UVRAG: variants seen among roughly 807,000 people sequenced by gnomAD.
UVRAG encodes the protein UV radiation resistance associated.
UVRAG carries 19 observed loss-of-function variants against 78.0 expected under a neutral mutation model. The ratio of observed to expected loss-of-function variants is 0.24; its 90% CI spans 0.17 to 0.36. The LOEUF (loss-of-function observed/expected upper bound fraction) is 0.36, where lower values mean the gene tolerates loss of function less well. Ranked by LOEUF, UVRAG falls within the 10% of genes least tolerant of loss-of-function variation. UVRAG has a pLI of 1.00. For missense variants in UVRAG, 740 were observed against 853.8 expected (o/e 0.87, Z 1.66); for synonymous variants, 323 against 324.6 (o/e 1.00, Z 0.05).
At chr11:75,921,864 G>T (rs1947987296) in intron 6 of UVRAG, among the ~76,000 whole-genome samples, 1 of 151,692 alleles carries the variant, frequency 6.6e-6, no homozygotes, top group East Asian at 1.9e-4. Flanking sequence ...TATATACTGG[G>T]ATCTATTTCT....
chr11:76,120,237 T>C (rs1210530324), intron 14 of UVRAG, among the ~76,000 whole-genome samples: 1 of 152,190 alleles, frequency 6.6e-6, no homozygotes, highest in East Asian at 1.9e-4. Context: ...CAATCCTTTT[T>C]AAGAAAAAGA....
chr11:76,070,575 CAATAT>C (rs1192202692), intron 13 of UVRAG, among the ~76,000 whole-genome samples: 8 of 152,042 alleles, frequency 5.3e-5, no homozygotes, highest in African/African-American at 1.9e-4. Flanking sequence ...TAAATTGATA[CAATAT>C]AAAATTTTTT....
At chr11:75,895,631 G>GTTT (rs556320233) in intron 5 of UVRAG, among the ~76,000 whole-genome samples, 1 of 140,630 alleles carries the variant, frequency 7.1e-6, no homozygotes, top group Admixed American at 7.1e-5. Flanking sequence ...GTGGCACTCT[G>GTTT]TTTTTTTTTT....
intron 1 of UVRAG, among the ~76,000 whole-genome samples, chr11:75,850,229 T>A (rs1946125305): frequency 1.3e-5 from 2 of 152,204 alleles, no homozygotes; most frequent in South Asian, 4.1e-4. Flanking sequence ...GGGTTTTCCT[T>A]TAGATTTAGT....
intron 1 of UVRAG, among the ~76,000 whole-genome samples, chr11:75,839,871 A>G (rs1945871817): frequency 1.3e-5 from 2 of 151,982 alleles, no homozygotes; most frequent in South Asian, 4.2e-4. Flanking sequence ...ATAGAGAGAG[A>G]GAGAGAGAGA....
chr11:76,003,197 A>G (rs1949852592), intron 8 of UVRAG, among the ~76,000 whole-genome samples: 1 of 151,950 alleles, frequency 6.6e-6, no homozygotes, highest in Non-Finnish European at 1.5e-5. Context: ...CGTCATGTAA[A>G]AATAGTTGAA....
At chr11:75,903,874 C>T (rs1001288841) in intron 5 of UVRAG, among the ~76,000 whole-genome samples, 5 of 152,140 alleles carry the variant, frequency 3.3e-5, no homozygotes, top group African/African-American at 9.7e-5. Context: ...CTACTAACTG[C>T]GTTATTTCTG....
chr11:75,880,463 A>G (rs1946912812), intron 4 of UVRAG, among the ~76,000 whole-genome samples: 1 of 152,188 alleles, frequency 6.6e-6, no homozygotes, highest in Non-Finnish European at 1.5e-5. Flanking sequence ...GCTACTATTT[A>G]TTGAGCACAG....
At chr11:75,825,189 A>G (rs1284101923) in intron 1 of UVRAG, among the ~76,000 whole-genome samples, 1 of 151,616 alleles carries the variant, frequency 6.6e-6, no homozygotes, top group Non-Finnish European at 1.5e-5. Context: ...GCTCACTGCA[A>G]CCTCTGCCTC....
intron 12 of UVRAG, among the ~76,000 whole-genome samples, chr11:76,042,666 C>T (rs1950670783): frequency 6.6e-6 from 1 of 152,206 alleles, no homozygotes; most frequent in Non-Finnish European, 1.5e-5. Context: ...TGCACTAAGA[C>T]AGACACGTGG....
rs533382324 is a variant in UVRAG at position 76,098,516 on chromosome 11, A to G, written c.1306-17408A>G. The stretch of plus-strand genomic sequence containing the variant: ...ATATTTTAAAATGGCTTTTTATTAG[A>G]TTGTTTTTCAGTCAAGAATTTTTGG... On this transcript the variant is annotated intron_variant, in intron 13 of 14. Coordinates refer to ENST00000356136, the MANE Select transcript of UVRAG (RefSeq NM_003369.4). Among the ~76,000 whole-genome samples the G allele has an allele frequency of 2.6e-5, 4 of 152,196 alleles. No homozygotes were observed. In the South Asian group the frequency reaches 8.3e-4, roughly 32 times the overall value.
chr11:76,032,316 T>C (rs1398181822), intron 12 of UVRAG, among the ~76,000 whole-genome samples: 4 of 152,240 alleles, frequency 2.6e-5, no homozygotes, highest in Non-Finnish European at 5.9e-5. Flanking sequence ...ACCTCTCTTT[T>C]GGATGATTTA....
chr11:76,036,987 T>C (rs1591161490), intron 12 of UVRAG, among the ~76,000 whole-genome samples: 1 of 152,168 alleles, frequency 6.6e-6, no homozygotes, highest in South Asian at 2.1e-4. Flanking sequence ...AATTCTTTAA[T>C]TATATTTATT....
chr11:76,003,990 T>C lies in UVRAG; in HGVS notation c.827-15T>C, dbSNP rs1949873693. On this transcript the variant is annotated splice_polypyrimidine_tract_variant and intron_variant, in intron 8 of 14. Coordinates refer to ENST00000356136, the MANE Select transcript of UVRAG (RefSeq NM_003369.4). ...TATGTTACATATGGAATTATCTCCT[T>C]CCTTTTCTTTCTAGGAAGTGCATTT... 1 of 1,611,826 alleles carries C rather than the reference T, an allele frequency of 6.2e-7. No homozygotes were observed.
At chr11:76,114,600 C>T (rs1172947103) in intron 13 of UVRAG, among the ~76,000 whole-genome samples, 2 of 152,158 alleles carry the variant, frequency 1.3e-5, no homozygotes, top group African/African-American at 4.8e-5. Context: ...TACATCCTTA[C>T]TTTATGTGTG....
At chr11:76,088,433 A>G (rs1026991133) in intron 13 of UVRAG, among the ~76,000 whole-genome samples, 2 of 151,866 alleles carry the variant, frequency 1.3e-5, no homozygotes, top group African/African-American at 4.8e-5. Context: ...TCCATAGGCT[A>G]CCTTCCCCCA....
At chr11:76,137,522 G>A (rs1319922871) in intron 14 of UVRAG, 17 of 453,954 alleles carry the variant, frequency 3.7e-5, no homozygotes, top group Admixed American at 3.3e-4. Context: ...GGGAAAAAAT[G>A]TGGTGATAAA....
chr11:75,986,418 T>C (rs982489167), intron 8 of UVRAG, among the ~76,000 whole-genome samples: 1 of 152,132 alleles, frequency 6.6e-6, no homozygotes, highest in Admixed American at 6.5e-5. Context: ...AAAGAAAAAT[T>C]CACCGGAAGC....
rs186226921 is a variant in UVRAG at position 76,123,352 on chromosome 11, A to G, written c.1397+7337A>G. ...AATAAAACTTTGGGAAGAATTTAAG[A>G]ACTTTAAGACTGAAAGAAACAAAAA... On this transcript the variant is annotated intron_variant, in intron 14 of 14. Coordinates refer to ENST00000356136, the MANE Select transcript of UVRAG (RefSeq NM_003369.4). Among the ~76,000 whole-genome samples, 325 of 152,336 alleles carry G rather than the reference A, an allele frequency of 2.1e-3. 1 individual carries two copies. The highest frequency in any genetic ancestry group is 3.5e-3 in the Non-Finnish European group (236 of 68,038).
Sources: allele counts gnomAD v4.1 joint callset (sites outside exome capture counted in the v4.1 genomes callset), GRCh38; gene constraint gnomAD v4.1.1; transcripts MANE v1.5; gene names NCBI Gene and HGNC (gene_info 2026-07-23, HGNC 2026-07-21).